Variants in NAV3 observed in about 807,000 individuals in gnomAD.
The protein encoded by NAV3 is pore membrane and/or filament interacting like protein 1.
In NAV3, 87 loss-of-function variants were observed where a neutral mutation model predicts 244.7. The ratio of observed to expected loss-of-function variants is 0.36; its 90% confidence interval spans 0.30 to 0.42. The LOEUF is 0.42. Among genes scored for constraint, NAV3 ranks in the 20% least tolerant of loss-of-function variants. The probability of loss-of-function intolerance (pLI) is 1.00; values close to 1 mark genes in which losing one functional copy is unlikely to be tolerated. For synonymous variants in NAV3, 1,126 were observed against 1,042.2 expected (o/e 1.08, Z -1.55); for missense variants, 2,663 against 2,893.3 (o/e 0.92, Z 1.83).
chr12:78,067,512 T>C (rs1593452410), intron 12 of NAV3, among the ~76,000 whole-genome samples: 1 of 152,066 alleles, frequency 6.6e-6, no homozygotes. Flanking sequence ...AAATTAACTG[T>C]GCCCATTGTG....
intron 5 of NAV3, among the ~76,000 whole-genome samples, chr12:77,985,987 C>T (rs1235927995): frequency 1.3e-5 from 2 of 152,140 alleles, no homozygotes; most frequent in Non-Finnish European, 2.9e-5. Context: ...GTCTCCCATG[C>T]AATCAGAATA....
rs1006301386 is a variant in NAV3, at chr12:78,137,106, A to G, written c.4442-71A>G. On this transcript the variant is annotated intron_variant, in intron 18 of 39. Coordinates refer to ENST00000397909, the MANE Select transcript of NAV3 (RefSeq NM_001024383.2). ...TCATAAGTATTGGGATCATGTTCTT[A>G]CTTTCTATCAACCTGCTATTTTCAT... The G allele has an allele frequency of 5.8e-6, 8 of 1,388,538 alleles. No homozygotes were observed. The African/African-American group carries it at 8.7e-5, about 15-fold the overall frequency. 86.0% of individuals were successfully genotyped at this position (1,388,538 alleles called of 1,614,324 possible).
At chr12:77,584,403 C>A (rs557382031) in intron 2 of NAV3, among the ~76,000 whole-genome samples, 1 of 151,386 alleles carries the variant, frequency 6.6e-6, no homozygotes, top group East Asian at 2.0e-4. Context: ...TGCTCCAAAG[C>A]AGCTCTCACA....
intron 2 of NAV3, among the ~76,000 whole-genome samples, chr12:77,631,650 T>C (rs1871904948): frequency 6.6e-6 from 1 of 152,150 alleles, no homozygotes; most frequent in South Asian, 2.1e-4. Flanking sequence ...GATAATAATA[T>C]TGACATTGAC....
At chr12:77,971,378 G>T (rs1441670220) in intron 5 of NAV3, among the ~76,000 whole-genome samples, 1 of 152,096 alleles carries the variant, frequency 6.6e-6, no homozygotes, top group East Asian at 1.9e-4. Context: ...CCCGAATATA[G>T]AAGAGTTCAA....
At chr12:78,105,363 G>T (rs1954749936) in intron 12 of NAV3, among the ~76,000 whole-genome samples, 1 of 151,906 alleles carries the variant, frequency 6.6e-6, no homozygotes, top group Admixed American at 6.6e-5. Context: ...TATAAAGTGG[G>T]GATAATTGTA....
intron 2 of NAV3, among the ~76,000 whole-genome samples, chr12:77,696,322 T>C (rs1202956582): frequency 1.3e-5 from 2 of 152,168 alleles, no homozygotes; most frequent in African/African-American, 2.4e-5. Context: ...CTCTTCCTCA[T>C]TGGCTTTGAT....
At chr12:78,048,954 C>T (rs1187980895) in intron 9 of NAV3, among the ~76,000 whole-genome samples, 1 of 152,208 alleles carries the variant, frequency 6.6e-6, no homozygotes, top group Non-Finnish European at 1.5e-5. Context: ...CTGGCTACAG[C>T]AGCTTTGCCA....
intron 2 of NAV3, among the ~76,000 whole-genome samples, chr12:77,735,498 A>C (rs551594229): frequency 2.0e-5 from 3 of 152,220 alleles, no homozygotes; most frequent in African/African-American, 7.2e-5. Context: ...CCTCCTATAA[A>C]CAAAAGTTAC....
At chr12:78,152,927 T>C (rs1054388661) in intron 22 of NAV3, among the ~76,000 whole-genome samples, 1 of 152,006 alleles carries the variant, frequency 6.6e-6, no homozygotes, top group Non-Finnish European at 1.5e-5. Flanking sequence ...CTAATAGCTA[T>C]AATTTATAGG....
At position 78,050,943 on chromosome 12, in the gene NAV3, T is replaced by C; in HGVS notation, c.2312T>C (p.Phe771Ser). The C allele has an allele frequency of 6.2e-7, 1 of 1,614,106 alleles. No homozygotes were observed. Among genetic ancestry groups the C allele is most frequent in the Non-Finnish European group, 8.5e-7 (1 of 1,180,018 alleles). ...AGYPRSGTSR[F>S]IHTDPSRFMY... ...TATCCTCGCAGTGGTACCAGTCGAT[T>C]CATCCACACAGACCCCTCGAGGTTC... Residue 771 changes from phenylalanine to serine, a missense_variant, in exon 11 of 40, where the codon TTC becomes TCC. Phe to Ser is a radical substitution (Grantham distance 155). Coordinates refer to ENST00000397909, the MANE Select transcript of NAV3 (RefSeq NM_001024383.2).
intron 1 of NAV3, among the ~76,000 whole-genome samples, chr12:77,892,961 GC>G (rs926384838): frequency 1.3e-5 from 2 of 152,104 alleles, no homozygotes; most frequent in African/African-American, 4.8e-5. Context: ...AAGTGAAGTA[GC>G]ATTACTATAA....
chr12:77,919,365 C>T (rs192804761), intron 1 of NAV3, among the ~76,000 whole-genome samples: 1 of 152,110 alleles, frequency 6.6e-6, no homozygotes, highest in East Asian at 1.9e-4. Context: ...AACTTCCTTA[C>T]CAGAAAGCTC....
chr12:77,623,366 A>G (rs1013297235), intron 2 of NAV3, among the ~76,000 whole-genome samples: 2 of 152,040 alleles, frequency 1.3e-5, no homozygotes, highest in African/African-American at 4.8e-5. Flanking sequence ...TGAATTGGCA[A>G]CTCTGGTTTT....
intron 9 of NAV3, among the ~76,000 whole-genome samples, chr12:78,043,693 G>A (rs913675607): frequency 3.9e-5 from 6 of 152,192 alleles, no homozygotes; most frequent in African/African-American, 1.4e-4. Context: ...TGGATGATGA[G>A]CTTTCTTTCA....
At chr12:78,192,241 A>G (rs1412703711) in intron 34 of NAV3, among the ~76,000 whole-genome samples, 3 of 151,968 alleles carry the variant, frequency 2.0e-5, no homozygotes, top group African/African-American at 7.2e-5. Context: ...TTGCTTTTTC[A>G]GAGTACAGGC....
intron 2 of NAV3, among the ~76,000 whole-genome samples, chr12:77,795,533 T>C (rs1356256092): frequency 6.6e-6 from 1 of 152,166 alleles, no homozygotes; most frequent in Non-Finnish European, 1.5e-5. Flanking sequence ...AAATTTACTG[T>C]ACATTATTAT....
At chr12:78,174,633 C>T (rs1471552689) in intron 24 of NAV3, among the ~76,000 whole-genome samples, 2 of 151,874 alleles carry the variant, frequency 1.3e-5, no homozygotes, top group Non-Finnish European at 2.9e-5. Context: ...AAGTCATGGG[C>T]AGGCAGTAGG....
At chr12:77,971,748 C>G (rs965475187) in intron 5 of NAV3, among the ~76,000 whole-genome samples, 1 of 151,896 alleles carries the variant, frequency 6.6e-6, no homozygotes, top group African/African-American at 2.4e-5. Context: ...TAGTTTAAAT[C>G]TCAACTTGCT....
Sources: gnomAD v4.1 joint callset for allele counts (sites outside exome capture counted in the v4.1 genomes callset) on GRCh38, gnomAD v4.1.1 for gene constraint, MANE v1.5 for transcripts, NCBI Gene and HGNC (gene_info 2026-07-23, HGNC 2026-07-21) for gene names.